SPATA13: variants seen among roughly 807,000 people sequenced by gnomAD.
SPATA13 encodes the protein spermatogenesis associated 13, also known as spermatogenesis-associated protein 13.
In SPATA13, 50 loss-of-function variants were observed where a neutral mutation model predicts 104.0. That is an observed-to-expected ratio of 0.48 (90% CI 0.38 to 0.61). The LOEUF is 0.61. Ranked by LOEUF, SPATA13 falls within the 20% of genes least tolerant of loss-of-function variation. The probability of loss-of-function intolerance (pLI) is 0.00; values close to 1 mark genes in which losing one functional copy is unlikely to be tolerated. For synonymous variants in SPATA13, 606 were observed against 667.5 expected, an observed-to-expected ratio of 0.91 and a Z score of 1.42; for missense variants, 1,524 against 1,690.6, an observed-to-expected ratio of 0.90 and a Z score of 1.73.
chr13:24,294,389 G>A (rs1017758883), intron 9 of SPATA13, among the ~76,000 whole-genome samples: 29 of 152,338 alleles, frequency 1.9e-4, no homozygotes, highest in Non-Finnish European at 5.9e-5. Context: ...ATGAGAATCA[G>A]AGCCATAATA....
chr13:24,122,089 T>A, intron 3 of SPATA13: 1 of 1,607,292 alleles, frequency 6.2e-7, no homozygotes, highest in Non-Finnish European at 8.5e-7. Flanking sequence ...GTGCTGGGCC[T>A]CCAAAATTGA....
chr13:24,169,340 C>A (rs926305258), intron 1 of SPATA13, among the ~76,000 whole-genome samples: 1 of 152,106 alleles, frequency 6.6e-6, no homozygotes, highest in Non-Finnish European at 1.5e-5. Flanking sequence ...AGACTCCTGG[C>A]CTCACTGTAG....
At chr13:24,250,023 G>C (rs1313723356) in intron 3 of SPATA13, among the ~76,000 whole-genome samples, 181 bp downstream of exon 3, 1 of 152,172 alleles carries the variant, frequency 6.6e-6, no homozygotes, top group African/African-American at 2.4e-5. Flanking sequence ...CTAACCACCT[G>C]ACGTTTGGAT....
chr13:24,033,586 G>C (rs1877564058), intron 3 of SPATA13: 1 of 152,350 alleles, frequency 6.6e-6, no homozygotes, highest in African/African-American at 2.4e-5. Flanking sequence ...CAGCTTCAAG[G>C]GGGCTCACGA....
chr13:24,055,038 A>G (rs1348053709), intron 3 of SPATA13, among the ~76,000 whole-genome samples: 1 of 152,200 alleles, frequency 6.6e-6, no homozygotes, highest in Non-Finnish European at 1.5e-5. Flanking sequence ...TTCAAACTTT[A>G]TATGCCAATG....
At chr13:24,240,994 GT>G (rs67102450) in intron 2 of SPATA13, among the ~76,000 whole-genome samples, 6 of 151,962 alleles carry the variant, frequency 3.9e-5, no homozygotes, top group African/African-American at 9.7e-5. Context: ...TTCTTTTTTT[GT>G]TTTTTGGAGA....
At position 24,051,643 on chromosome 13, in the gene SPATA13, G is replaced by A. The variant is rs187587467; in HGVS notation, c.-112+33942G>A. Among the ~76,000 whole-genome samples, 6 of 152,260 alleles carry A rather than the reference G, an allele frequency of 3.9e-5. No individual in the cohort carries two copies. The East Asian group carries it at 1.2e-3, about 30-fold the overall frequency. Reference sequence around the variant, plus strand: ...ACAATGCTCCCTGTTTGGGGATGGAGGGGTGGGGACTTAGGGGCAAGGGGA... The same window carrying A: ...ACAATGCTCCCTGTTTGGGGATGGAAGGGTGGGGACTTAGGGGCAAGGGGA... On this transcript the variant is annotated intron_variant, in intron 3 of 14. Coordinates refer to the SPATA13 transcript ENST00000424834. The surrounding 1 kb of genome is among the most constrained non-coding windows in gnomAD (Gnocchi z 4.2).
intron 2 of SPATA13, among the ~76,000 whole-genome samples, chr13:24,231,213 T>C (rs1195902254): frequency 6.6e-6 from 1 of 152,212 alleles, no homozygotes. Context: ...CACAGACTAA[T>C]TTTAGCACGT....
Position 24,289,135 on chromosome 13 carries a change from A to T in SPATA13, c.2804A>T (p.Glu935Val). ...GACCTTGAGAAACAGTACAACAAAG[A>T]GGAACCTCACTTAAGTGAAATAGGA... ...LKDLEKQYNK[E>V]EPHLSEIGSC... Residue 935 changes from glutamate to valine, a missense_variant, in exon 8 of 13, where the codon GAG (glutamate) becomes GTG (valine). By Grantham distance (121) the Glu-to-Val change is moderately radical. Around this residue, in one of 2 missense-constraint regions of SPATA13, gnomAD observed 435 missense variants for 554.8 expected, o/e 0.78. Coordinates refer to ENST00000382108, the MANE Select transcript of SPATA13 (RefSeq NM_001166271.3). 1 of 1,612,316 alleles carries T rather than the reference A, an allele frequency of 6.2e-7. No homozygotes were observed. Among genetic ancestry groups the T allele is most frequent in the Non-Finnish European group, 8.5e-7 (1 of 1,179,620 alleles).
chr13:24,068,134 C>A (rs1007667804), intron 3 of SPATA13, among the ~76,000 whole-genome samples: 1 of 152,138 alleles, frequency 6.6e-6, no homozygotes, highest in Non-Finnish European at 1.5e-5. Flanking sequence ...CCATTAGTTA[C>A]TTTGCCTGAT....
chr13:24,165,562 G>A (rs1204540301), intron 1 of SPATA13, among the ~76,000 whole-genome samples: 1 of 152,090 alleles, frequency 6.6e-6, no homozygotes, highest in East Asian at 1.9e-4. Context: ...TCCTCTCTCA[G>A]CCCTTCCCGG....
chr13:24,062,932 C>G (rs1878824471), intron 3 of SPATA13, among the ~76,000 whole-genome samples: 1 of 152,168 alleles, frequency 6.6e-6, no homozygotes, highest in East Asian at 1.9e-4. Context: ...TGCCATCTGA[C>G]AGTGCCAGGG....
At chr13:24,122,993 A>G (rs1029704345) in intron 3 of SPATA13, 146 of 856,526 alleles carry the variant, frequency 1.7e-4, no homozygotes, top group Middle Eastern at 3.3e-4. Context: ...CTGCTTTGTC[A>G]TCACTACCTT....
chr13:24,278,869 TTTC>T, intron 4 of SPATA13: 1 of 1,418,180 alleles, frequency 7.1e-7, no homozygotes, highest in Middle Eastern at 2.5e-4. Context: ...ACATGCTGTT[TTTC>T]TTTCCTTCCT....
At chr13:23,991,394 C>T (rs372642439) in intron 2 of SPATA13, among the ~76,000 whole-genome samples, 61 of 152,244 alleles carry the variant, frequency 4.0e-4, no homozygotes, top group African/African-American at 1.4e-3. Context: ...TAGCAAAGGT[C>T]ATATTTTACT....
chr13:24,019,714 A>G (rs1272382464), intron 3 of SPATA13, among the ~76,000 whole-genome samples: 1 of 149,632 alleles, frequency 6.7e-6, no homozygotes, highest in African/African-American at 2.4e-5. Flanking sequence ...AGGACTGCTA[A>G]AAAAAAAATG....
At chr13:24,025,231 G>C (rs73162154) in intron 3 of SPATA13, among the ~76,000 whole-genome samples, 1 of 151,790 alleles carries the variant, frequency 6.6e-6, no homozygotes, top group Non-Finnish European at 1.5e-5. Flanking sequence ...AATCAAATTT[G>C]TATGCATTCT....
intron 3 of SPATA13, among the ~76,000 whole-genome samples, chr13:24,089,905 C>T (rs1018541137): frequency 6.6e-6 from 1 of 152,186 alleles, no homozygotes; most frequent in South Asian, 2.1e-4. Context: ...CCGCTCTGTC[C>T]TCTGGAGGGG....
chr13:24,300,985 C>T lies in SPATA13; in HGVS notation c.3658+510C>T, dbSNP rs1323548416. Among the ~76,000 whole-genome samples the T allele has an allele frequency of 3.9e-5, 6 of 152,090 alleles. No homozygotes were observed. In the South Asian group the frequency reaches 8.3e-4, roughly 21 times the overall value. ...AAAAGACACGTGAGCTGATTTAGGG[C>T]GGTGATTCCCTAATCTCCATGCACA... On this transcript the variant is annotated intron_variant, in intron 12 of 12. Transcript: ENST00000382108.
Sources: gnomAD v4.1 joint callset for allele counts (sites outside exome capture counted in the v4.1 genomes callset) on GRCh38, gnomAD v4.1.1 for gene constraint, gnomAD v4.1.1 regional missense constraint, Gnocchi (gnomAD v3.1) non-coding constraint, MANE v1.5 for transcripts, NCBI Gene and HGNC (gene_info 2026-07-23, HGNC 2026-07-21) for gene names.